FBXL13: variants seen among roughly 807,000 people sequenced by gnomAD.
The protein encoded by FBXL13 is F-box and leucine-rich repeat protein 13.
In FBXL13, 67 loss-of-function variants were observed where a neutral mutation model predicts 83.6. The observed-to-expected ratio is 0.80, with a 90% CI of 0.66 to 0.98. The LOEUF (loss-of-function observed/expected upper bound fraction) is 0.98, where lower values mean the gene tolerates loss of function less well. Ranked by LOEUF, FBXL13 falls within the 50% of genes least tolerant of loss-of-function variation. The pLI, the probability that FBXL13 is intolerant of heterozygous loss-of-function variation, is 0.00. For synonymous variants in FBXL13, 272 were observed against 299.5 expected (o/e 0.91, Z 0.95); for missense variants, 822 against 866.5 (o/e 0.95, Z 0.64).
chr7:102,897,447 T>A (rs546643477), intron 11 of FBXL13, among the ~76,000 whole-genome samples: 1 of 151,964 alleles, frequency 6.6e-6, no homozygotes, highest in Admixed American at 6.6e-5. Flanking sequence ...TAAGGAAACA[T>A]AAATTAGAGG....
rs776310822 is a variant in FBXL13, at chr7:103,027,551, T to C, written c.225A>G (p.Leu75=). The change falls in exon 5 of 20, where the codon CTA becomes CTG. Residue 75 remains leucine, a synonymous_variant. Transcript: ENST00000313221. ...AATAGATGATCTGTTGTATCCGCAATAGAATATCTGAAGGAAATTTACTAG... is the reference window on the plus strand; with the variant it reads ...AATAGATGATCTGTTGTATCCGCAACAGAATATCTGAAGGAAATTTACTAG... 3.7e-6 allele frequency: 6 copies of C among 1,603,396 alleles called. No individual in the cohort carries two copies. In the African/African-American group the frequency reaches 4.0e-5, roughly 11 times the overall value.
At chr7:102,932,028 A>T in intron 8 of FBXL13, 95 bp from the exon 10 acceptor site, 4 of 1,156,662 alleles carry the variant, frequency 3.5e-6, no homozygotes, top group Non-Finnish European at 3.7e-6. Flanking sequence ...ATTCATTAGA[A>T]AACAAACAAA....
intron 2 of FBXL13, among the ~76,000 whole-genome samples, chr7:103,029,760 T>C (rs1460999242): frequency 6.8e-6 from 1 of 146,194 alleles, no homozygotes; most frequent in Non-Finnish European, 1.5e-5. Flanking sequence ...AACAGAATGA[T>C]TTTCTGAATC....
chr7:102,851,446 T>TC (rs1305260155), intron 17 of FBXL13, among the ~76,000 whole-genome samples: 1 of 147,812 alleles, frequency 6.8e-6, no homozygotes, highest in African/African-American at 2.6e-5. Context: ...CTTCCCTCCT[T>TC]CCTTCCTTCC....
intron 17 of FBXL13, among the ~76,000 whole-genome samples, chr7:102,853,392 C>T (rs913470390): frequency 8.6e-5 from 13 of 152,030 alleles, no homozygotes; most frequent in South Asian, 4.2e-4. Context: ...AAGACTTAAA[C>T]GTTAGACCTA....
intron 16 of FBXL13, among the ~76,000 whole-genome samples, chr7:102,865,715 T>G (rs995923276): frequency 6.2e-5 from 9 of 144,834 alleles, no homozygotes; most frequent in Non-Finnish European, 9.2e-5. Flanking sequence ...CTAATTTTTG[T>G]TTTTTTTTTT....
At chr7:102,977,728 G>GA (rs1827669109) in intron 6 of FBXL13, among the ~76,000 whole-genome samples, 1 of 152,176 alleles carries the variant, frequency 6.6e-6, no homozygotes, top group African/African-American at 2.4e-5. Context: ...ACTGGATTAA[G>GA]AAAATGTGGC....
At chr7:102,954,156 G>A (rs973385763) in intron 8 of FBXL13, among the ~76,000 whole-genome samples, 21 of 152,146 alleles carry the variant, frequency 1.4e-4, no homozygotes, top group African/African-American at 2.2e-4. Context: ...ACAAGGGGTC[G>A]GGGGATTTCC....
chr7:102,961,555 T>C (rs1187828548), intron 8 of FBXL13, among the ~76,000 whole-genome samples: 1 of 147,164 alleles, frequency 6.8e-6, no homozygotes, highest in Non-Finnish European at 1.5e-5. Context: ...AGAACAAAGC[T>C]GGAGGCATCA....
chr7:102,834,138 GAAA>G (rs72255394), intron 17 of FBXL13, among the ~76,000 whole-genome samples: 1 of 123,898 alleles, frequency 8.1e-6, no homozygotes, highest in Non-Finnish European at 1.7e-5. Context: ...AAGAAAGAAA[GAAA>G]AGAGAAGACA....
At chr7:102,892,857 G>A (rs1811710394) in intron 11 of FBXL13, among the ~76,000 whole-genome samples, 1 of 152,104 alleles carries the variant, frequency 6.6e-6, no homozygotes, top group Admixed American at 6.5e-5. Context: ...ATGTGCTACT[G>A]CATATCTCTT....
intron 6 of FBXL13, among the ~76,000 whole-genome samples, chr7:102,969,851 G>T (rs1244558626): frequency 9.1e-6 from 1 of 109,580 alleles, no homozygotes; most frequent in Non-Finnish European, 1.8e-5. Flanking sequence ...GAGGGGAGGG[G>T]AGGGAAAAGA....
chr7:102,843,622 A>G (rs1468631330), intron 17 of FBXL13, among the ~76,000 whole-genome samples: 1 of 151,872 alleles, frequency 6.6e-6, no homozygotes, highest in Non-Finnish European at 1.5e-5. Flanking sequence ...GAAAAATACA[A>G]AAAATTAGCC....
chr7:103,058,971 C>T (rs1344634584), intron 1 of FBXL13, among the ~76,000 whole-genome samples: 2 of 152,160 alleles, frequency 1.3e-5, no homozygotes, highest in African/African-American at 2.4e-5. Context: ...TAGGAAATCT[C>T]ACTGTTGGCC....
chr7:103,004,394 G>A (rs1790753940), intron 6 of FBXL13, among the ~76,000 whole-genome samples: 2 of 152,214 alleles, frequency 1.3e-5, no homozygotes, highest in Non-Finnish European at 2.9e-5. Flanking sequence ...ACACTGGCTA[G>A]AGGTTTGTGC....
intron 6 of FBXL13, among the ~76,000 whole-genome samples, chr7:102,990,543 C>T (rs1298223605): frequency 1.3e-5 from 2 of 152,180 alleles, no homozygotes; most frequent in African/African-American, 2.4e-5. Context: ...GACACTGTCC[C>T]TGTCCTCAAG....
chr7:103,055,749 T>A lies in FBXL13; in HGVS notation c.-104-2A>T. The stretch of plus-strand genomic sequence containing the variant: ...AACAAGTATACCACATAACAGTGCC[T>A]AGGGGAAAAAAGGGAAATGGCATCA... On this transcript the variant is annotated splice_acceptor_variant, in intron 1 of 19. Transcript: ENST00000313221. LOFTEE classifies it low-confidence loss of function (5UTR_SPLICE). 1 of 1,241,812 alleles carries A rather than the reference T, an allele frequency of 8.1e-7. No individual in the cohort carries two copies. The allele number at this position is 1,241,812 out of a possible 1,614,324, so 76.9% of individuals were successfully genotyped here.
At chr7:103,031,003 A>C (rs746845003) in intron 2 of FBXL13, 4 of 152,204 alleles carry the variant, frequency 2.6e-5, no homozygotes, top group Non-Finnish European at 5.9e-5. Context: ...AGAGAAAGAA[A>C]CAAACTCACA....
chr7:102,991,550 A>C (rs878880899), intron 6 of FBXL13, among the ~76,000 whole-genome samples: 1 of 152,322 alleles, frequency 6.6e-6, no homozygotes. Context: ...TGAAGGAATA[A>C]ATCAATAGAA....
Sources: allele counts gnomAD v4.1 joint callset (sites outside exome capture counted in the v4.1 genomes callset), GRCh38; gene constraint gnomAD v4.1.1; transcripts MANE v1.5; gene names NCBI Gene and HGNC (gene_info 2026-07-23, HGNC 2026-07-21).